SNX24: variants seen among roughly 807,000 people sequenced by gnomAD.
SNX24 encodes the protein sorting nexin 24.
Under a neutral mutation model 28.7 loss-of-function variants are expected in SNX24, and 22 were observed. That is an observed-to-expected ratio of 0.77 (90% CI 0.55 to 1.10). SNX24 has a LOEUF of 1.10. Ranked by LOEUF, SNX24 falls within the 50% of genes least tolerant of loss-of-function variation. The probability of loss-of-function intolerance (pLI) is 0.00; values close to 1 mark genes in which losing one functional copy is unlikely to be tolerated. For missense variants in SNX24, 221 were observed against 201.1 expected, an observed-to-expected ratio of 1.10 and a Z score of -0.60; for synonymous variants, 69 against 71.5, an observed-to-expected ratio of 0.96 and a Z score of 0.18.
At chr5:122,943,938 T>C (rs1759571181) in intron 2 of SNX24, among the ~76,000 whole-genome samples, 1 of 152,168 alleles carries the variant, frequency 6.6e-6, no homozygotes, top group Admixed American at 6.5e-5. Flanking sequence ...ACTCCCACAT[T>C]TACAGACTTG....
At chr5:122,916,479 G>T (rs534699082) in intron 1 of SNX24, among the ~76,000 whole-genome samples, 2 of 141,940 alleles carry the variant, frequency 1.4e-5, no homozygotes, top group African/African-American at 5.3e-5. Context: ...GACTATTTTG[G>T]ATTTCGTGTT....
chr5:123,029,186 T>C, intron 5 of SNX24: 1 of 1,550,020 alleles, frequency 6.5e-7, no homozygotes, highest in Non-Finnish European at 8.7e-7. Flanking sequence ...GAAAATAAAG[T>C]CAAATGTGGT....
At chr5:122,907,674 C>A (rs181119746) in intron 1 of SNX24, among the ~76,000 whole-genome samples, 2 of 152,196 alleles carry the variant, frequency 1.3e-5, no homozygotes, top group African/African-American at 4.8e-5. Context: ...CTGAAGGGAA[C>A]AATTTGTATG....
chr5:123,027,803 TAAATC>T (rs953043906), intron 5 of SNX24, among the ~76,000 whole-genome samples: 1 of 152,222 alleles, frequency 6.6e-6, no homozygotes, highest in Non-Finnish European at 1.5e-5. Context: ...TTAAAAATCT[TAAATC>T]TAAAGTAAAT....
chr5:122,846,422 G>A (rs548792781), intron 1 of SNX24, among the ~76,000 whole-genome samples: 8 of 152,366 alleles, frequency 5.3e-5, no homozygotes, highest in African/African-American at 1.9e-4. Flanking sequence ...GACAGTCATT[G>A]CTAGTGGGAG....
At chr5:122,930,850 A>G (rs534957259) in intron 1 of SNX24, among the ~76,000 whole-genome samples, 2 of 152,336 alleles carry the variant, frequency 1.3e-5, no homozygotes, top group Admixed American at 6.5e-5. Flanking sequence ...TGTTGTGGCA[A>G]TTATGGTAAG....
intron 1 of SNX24, among the ~76,000 whole-genome samples, chr5:122,931,164 C>A (rs1228950856): frequency 2.6e-5 from 4 of 152,052 alleles, no homozygotes; most frequent in Non-Finnish European, 5.9e-5. Flanking sequence ...GCTTCTTCCC[C>A]CCTACCCAAA....
In SNX24 at chr5:122,902,292, C is replaced by G. The variant is rs1757477576; in HGVS notation, c.61-34442C>G. Among the ~76,000 whole-genome samples the G allele has an allele frequency of 3.9e-5, 6 of 152,196 alleles. No individual in the cohort carries two copies. The South Asian group carries it at 1.2e-3, about 31-fold the overall frequency. On this transcript the variant is annotated intron_variant, in intron 1 of 6. Transcript: ENST00000261369. The stretch of plus-strand genomic sequence containing the variant: ...TCAGACTTGTAGGTGTAGTGTAGTG[C>G]TGAACCCCTTTCAACTCCAGTTGGG...
At chr5:122,914,909 T>C (rs2150094849) in intron 1 of SNX24, among the ~76,000 whole-genome samples, 1 of 152,306 alleles carries the variant, frequency 6.6e-6, no homozygotes. Context: ...TGTGGCTCTT[T>C]TAAAAATGAA....
Position 123,008,127 on chromosome 5 carries a change from A to G in SNX24, c.*378A>G, listed in dbSNP as rs1762479267. On this transcript the variant is annotated 3_prime_UTR_variant, in exon 7 of 7. Transcript: ENST00000261369. Reference sequence around the variant, plus strand: ...ATCCTGAATCATACTGAGACTGATCAACTTTGGTAGCTTTTTTGTTCAGAT... The same window carrying G: ...ATCCTGAATCATACTGAGACTGATCGACTTTGGTAGCTTTTTTGTTCAGAT... 4.0e-6 allele frequency: 4 copies of G among 997,880 alleles called. No homozygotes were observed. Among genetic ancestry groups the G allele is most frequent in the Non-Finnish European group, 4.8e-6 (4 of 838,586 alleles). 61.8% of individuals were successfully genotyped at this position (997,880 alleles called of 1,614,324 possible). A position where few individuals can be genotyped will look rare whatever the true frequency, so the allele number is the denominator to read the frequency against.
chr5:122,954,023 A>G (rs1760084010), intron 3 of SNX24, among the ~76,000 whole-genome samples: 1 of 152,142 alleles, frequency 6.6e-6, no homozygotes, highest in Non-Finnish European at 1.5e-5. Context: ...CCCTTCATTC[A>G]TTCTTTAAAT....
chr5:122,997,951 T>C (rs1762109057), intron 3 of SNX24, among the ~76,000 whole-genome samples: 1 of 152,062 alleles, frequency 6.6e-6, no homozygotes, highest in Admixed American at 6.6e-5. Flanking sequence ...AAAACAATCA[T>C]TGAAACATGT....
intron 3 of SNX24, among the ~76,000 whole-genome samples, chr5:122,953,832 TA>T (rs1353517158): frequency 6.6e-6 from 1 of 152,210 alleles, no homozygotes; most frequent in Non-Finnish European, 1.5e-5. Flanking sequence ...TATTAAGAGC[TA>T]AAGAGAAATA....
chr5:122,940,190 C>G (rs970862897), intron 2 of SNX24, among the ~76,000 whole-genome samples: 1 of 152,016 alleles, frequency 6.6e-6, no homozygotes, highest in South Asian at 2.1e-4. Flanking sequence ...GACAGTGTTT[C>G]GCCATGTTGG....
At chr5:122,866,506 C>T (rs566574547) in intron 1 of SNX24, among the ~76,000 whole-genome samples, 3 of 152,316 alleles carry the variant, frequency 2.0e-5, no homozygotes, top group African/African-American at 7.2e-5. Context: ...CTTCAGCAAG[C>T]ACCTCCGCCG....
intron 3 of SNX24, among the ~76,000 whole-genome samples, chr5:122,955,113 C>T (rs1760146950): frequency 6.6e-6 from 1 of 151,672 alleles, no homozygotes. Context: ...ATTGTTCTAT[C>T]TCCCAGTTTC....
chr5:122,966,375 T>C (rs1317891751), intron 3 of SNX24, among the ~76,000 whole-genome samples: 2 of 152,218 alleles, frequency 1.3e-5, no homozygotes, highest in East Asian at 3.8e-4. Context: ...GCAAACTTTT[T>C]CTGTGAAAGA....
rs372792318 is a variant in SNX24, at chr5:122,906,618, C to T, written c.61-30116C>T. Among the ~76,000 whole-genome samples, 16 of 152,326 alleles carry T rather than the reference C, an allele frequency of 1.1e-4. 2 individuals are homozygous for T. Among genetic ancestry groups the T allele is most frequent in the East Asian group, 3.9e-4 (2 of 5,186 alleles). ...CCGCCTCCCAGGTTCAAGTGATTCT[C>T]CTGCCTCAGCCTCCTGAGTAGCTAG... On this transcript the variant is annotated intron_variant, in intron 1 of 6. Coordinates refer to ENST00000261369, the MANE Select transcript of SNX24 (RefSeq NM_014035.4).
intron 1 of SNX24, among the ~76,000 whole-genome samples, chr5:122,865,879 C>G (rs762082995): frequency 6.6e-6 from 1 of 152,136 alleles, no homozygotes; most frequent in Non-Finnish European, 1.5e-5. Context: ...AACTCCTTCC[C>G]TAGAAGAGAA....
Sources: allele counts gnomAD v4.1 joint callset (sites outside exome capture counted in the v4.1 genomes callset), GRCh38; gene constraint gnomAD v4.1.1; transcripts MANE v1.5; gene names NCBI Gene and HGNC (gene_info 2026-07-23, HGNC 2026-07-21).